The following ROBO1 variants were observed in gnomAD, a reference collection of about 807,000 sequenced individuals.
ROBO1 encodes the protein roundabout guidance receptor 1, also known as roundabout homolog 1.
ROBO1 carries 149 observed loss-of-function variants against 195.9 expected under a neutral mutation model. The observed-to-expected ratio is 0.76, with a 90% CI of 0.67 to 0.87. ROBO1 has a LOEUF of 0.87. ROBO1 is among the 40% of genes least tolerant of loss of function. ROBO1 has a pLI of 0.00. For synonymous variants in ROBO1, 816 were observed against 733.2 expected (o/e 1.11, Z -1.82); for missense variants, 1,933 against 2,068.3 (o/e 0.93, Z 1.27).
intron 1 of ROBO1, among the ~76,000 whole-genome samples, chr3:79,702,119 A>T (rs1368404328): frequency 1.3e-5 from 2 of 152,006 alleles, no homozygotes; most frequent in South Asian, 2.1e-4. Context: ...GAAACTAGTG[A>T]TATAAAAATC....
chr3:78,765,488 A>G (rs2083208009), intron 4 of ROBO1, among the ~76,000 whole-genome samples: 2 of 152,182 alleles, frequency 1.3e-5, no homozygotes, highest in African/African-American at 4.8e-5. Context: ...GTAAAACAAT[A>G]TTATCTTTAA....
At chr3:79,484,755 C>CTTTTTTTTTTTTTGTTTTTTTTT (rs1939064013) in intron 2 of ROBO1, among the ~76,000 whole-genome samples, 1 of 66,884 alleles carries the variant, frequency 1.5e-5, no homozygotes, top group Non-Finnish European at 2.7e-5. Context: ...ATTGCACTAT[C>CTTTTTTTTTTTTTGTTTTTTTTT]TTTTTTTTTT....
chr3:79,504,891 A>T (rs928232371), intron 2 of ROBO1, among the ~76,000 whole-genome samples: 1 of 152,072 alleles, frequency 6.6e-6, no homozygotes, highest in African/African-American at 2.4e-5. Context: ...ATGTATGCGG[A>T]GATACTTAGT....
intron 4 of ROBO1, among the ~76,000 whole-genome samples, chr3:78,750,019 A>G (rs1227285332): frequency 6.6e-6 from 1 of 152,178 alleles, no homozygotes; most frequent in African/African-American, 2.4e-5. Context: ...TGTTTCTTTC[A>G]TATTTGTGTA....
At chr3:79,263,082 T>A (rs1211807935) in intron 2 of ROBO1, among the ~76,000 whole-genome samples, 1 of 152,138 alleles carries the variant, frequency 6.6e-6, no homozygotes, top group African/African-American at 2.4e-5. Context: ...AAAGGACTGT[T>A]TTCATACCCT....
intron 2 of ROBO1, among the ~76,000 whole-genome samples, chr3:79,166,578 A>C (rs370370537): frequency 1.2e-5 from 1 of 85,938 alleles, no homozygotes; most frequent in Non-Finnish European, 2.5e-5. Flanking sequence ...TTTTTTTTTT[A>C]TTTTTGAGAT....
intron 4 of ROBO1, among the ~76,000 whole-genome samples, chr3:78,834,851 A>G (rs1236981223): frequency 1.3e-5 from 2 of 152,128 alleles, no homozygotes; most frequent in African/African-American, 2.4e-5. Context: ...ATCGTGTTGC[A>G]CTAAACAGTT....
intron 2 of ROBO1, among the ~76,000 whole-genome samples, chr3:79,142,835 A>G (rs1362131547): frequency 1.3e-5 from 2 of 152,146 alleles, no homozygotes; most frequent in African/African-American, 4.8e-5. Context: ...GCTGAGTTCT[A>G]TATATTGACA....
intron 2 of ROBO1, among the ~76,000 whole-genome samples, chr3:79,466,597 T>C (rs771510884): frequency 6.6e-6 from 1 of 152,102 alleles, no homozygotes; most frequent in African/African-American, 2.4e-5. Context: ...ACCTAATTAG[T>C]AGATTCAAGT....
chr3:79,478,826 G>T (rs2107364600), intron 2 of ROBO1, among the ~76,000 whole-genome samples: 1 of 152,310 alleles, frequency 6.6e-6, no homozygotes, highest in Middle Eastern at 3.4e-3. Flanking sequence ...ATGCGTGACT[G>T]TGTAACACCA....
chr3:78,759,745 G>A (rs2083043241), intron 4 of ROBO1, among the ~76,000 whole-genome samples: 1 of 152,166 alleles, frequency 6.6e-6, no homozygotes, highest in Middle Eastern at 3.4e-3. Context: ...AAGGAACTGT[G>A]GAACATTTTC....
chr3:79,149,694 G>A (rs761141288), intron 2 of ROBO1, among the ~76,000 whole-genome samples: 3 of 151,696 alleles, frequency 2.0e-5, no homozygotes, highest in Non-Finnish European at 4.4e-5. Context: ...GTGTTTTGGC[G>A]AGTCTGTGCC....
chr3:78,706,425 G>A (rs914205540), intron 8 of ROBO1, among the ~76,000 whole-genome samples: 1 of 152,074 alleles, frequency 6.6e-6, no homozygotes, highest in Non-Finnish European at 1.5e-5. Context: ...TGGGAACCAT[G>A]GAAATCATTT....
intron 2 of ROBO1, among the ~76,000 whole-genome samples, chr3:79,448,387 T>G (rs146693215): frequency 6.6e-6 from 1 of 152,206 alleles, no homozygotes; most frequent in South Asian, 2.1e-4. Flanking sequence ...TATTCTTAAA[T>G]GTAAACTCAG....
chr3:79,462,343 G>A (rs1215643135), intron 2 of ROBO1, among the ~76,000 whole-genome samples: 1 of 152,030 alleles, frequency 6.6e-6, no homozygotes, highest in Non-Finnish European at 1.5e-5. Flanking sequence ...TACGCTGGAT[G>A]ATAACTTTGA....
chr3:79,165,056 A>G (rs1022280272), intron 2 of ROBO1, among the ~76,000 whole-genome samples: 2 of 152,190 alleles, frequency 1.3e-5, no homozygotes, highest in Admixed American at 1.3e-4. Context: ...TGTTTATGTT[A>G]CATCACTGCC....
At chr3:78,890,393 T>C (rs1314813932) in intron 4 of ROBO1, among the ~76,000 whole-genome samples, 2 of 152,076 alleles carry the variant, frequency 1.3e-5, no homozygotes, top group Admixed American at 6.6e-5. Flanking sequence ...TCTGCTTGTA[T>C]GCACCAAAGG....
At chr3:79,494,529 G>C (rs940465586) in intron 2 of ROBO1, among the ~76,000 whole-genome samples, 2 of 152,058 alleles carry the variant, frequency 1.3e-5, no homozygotes, top group Non-Finnish European at 2.9e-5. Flanking sequence ...GAACTACAGA[G>C]TTAAGAGAAA....
chr3:79,707,314 T>C (rs1411595742), intron 1 of ROBO1, among the ~76,000 whole-genome samples: 2 of 152,176 alleles, frequency 1.3e-5, no homozygotes, highest in South Asian at 2.1e-4. Flanking sequence ...ATTATTATCC[T>C]TTTAATCTCC....
Sources: gnomAD v4.1 joint callset for allele counts (sites outside exome capture counted in the v4.1 genomes callset) on GRCh38, gnomAD v4.1.1 for gene constraint, MANE v1.5 for transcripts, NCBI Gene and HGNC (gene_info 2026-07-23, HGNC 2026-07-21) for gene names.